CTBP2: variants seen among roughly 807,000 people sequenced by gnomAD.
CTBP2 encodes the protein C-terminal binding protein 2.
Under a neutral mutation model 80.3 loss-of-function variants are expected in CTBP2, and 30 were observed. The observed-to-expected ratio is 0.37, with a 90% confidence interval of 0.28 to 0.51. The LOEUF (loss-of-function observed/expected upper bound fraction) is 0.51, where lower values mean the gene tolerates loss of function less well. Ranked by LOEUF, CTBP2 falls within the 20% of genes least tolerant of loss-of-function variation. The probability of loss-of-function intolerance (pLI) is 0.93; values close to 1 mark genes in which losing one functional copy is unlikely to be tolerated. For synonymous variants in CTBP2, 594 were observed against 587.4 expected, an observed-to-expected ratio of 1.01 and a Z score of -0.16; for missense variants, 1,212 against 1,375.3, an observed-to-expected ratio of 0.88 and a Z score of 1.88.
At chr10:125,011,273 G>A (rs1342846393) in intron 1 of CTBP2, among the ~76,000 whole-genome samples, 1 of 152,204 alleles carries the variant, frequency 6.6e-6, no homozygotes, top group East Asian at 1.9e-4. Flanking sequence ...ATGGCCACAG[G>A]AACACCCTGA....
upstream of CTBP2, among the ~76,000 whole-genome samples, chr10:125,162,211 G>T (rs1861938577): frequency 6.6e-6 from 1 of 152,210 alleles, no homozygotes; most frequent in South Asian, 2.1e-4. Flanking sequence ...GGAGTGGGAG[G>T]GGTCTGAGGT....
intron 2 of CTBP2, among the ~76,000 whole-genome samples, chr10:125,105,028 G>T (rs1359940703): frequency 6.6e-6 from 1 of 152,182 alleles, no homozygotes; most frequent in Non-Finnish European, 1.5e-5. Context: ...TTGAGACAGG[G>T]TCTGCCTCTG....
At chr10:125,030,146 CCACACACACACACA>C, upstream of CTBP2, among the ~76,000 whole-genome samples, 1 of 150,070 alleles carries the variant, frequency 6.7e-6, no homozygotes, top group East Asian at 1.9e-4. Flanking sequence ...TACACAAACA[CCACACACACACACA>C]CACACACACC....
chr10:124,996,922 G>A (rs987868792), intron 4 of CTBP2: 1 of 152,240 alleles, frequency 6.6e-6, no homozygotes, highest in Non-Finnish European at 1.5e-5. Context: ...TCCAGGCGTC[G>A]GGCGAGGCCA....
intron 1 of CTBP2, among the ~76,000 whole-genome samples, chr10:125,141,791 C>A (rs540244803): frequency 6.6e-6 from 1 of 152,186 alleles, no homozygotes; most frequent in East Asian, 1.9e-4. Flanking sequence ...AAATACACAG[C>A]AAGCACACAG....
At chr10:125,062,243 G>A (rs1163780013) in intron 2 of CTBP2, among the ~76,000 whole-genome samples, 1 of 148,180 alleles carries the variant, frequency 6.7e-6, no homozygotes, top group African/African-American at 2.4e-5. Context: ...TGAATGGGGG[G>A]ACACAGGGGT....
chr10:125,011,095 C>T (rs1472155241), intron 1 of CTBP2, among the ~76,000 whole-genome samples: 1 of 152,206 alleles, frequency 6.6e-6, no homozygotes, highest in African/African-American at 2.4e-5. Flanking sequence ...GGAAATCTAG[C>T]TTCACCAAGG....
At chr10:125,077,400 T>C (rs775539628) in intron 2 of CTBP2, among the ~76,000 whole-genome samples, 2 of 152,144 alleles carry the variant, frequency 1.3e-5, no homozygotes, top group Non-Finnish European at 2.9e-5. Flanking sequence ...GCGGCACCTG[T>C]TGGGGATGGA....
chr10:124,984,868 C>G lies in CTBP2; in HGVS notation c.*4650G>C, dbSNP rs1393230531. ...GTTCTGGTTGCCATGCAGAAGAGTT[C>G]TCGGCGGCGAAATCACCCCCTGGTC... On this transcript the variant is annotated 3_prime_UTR_variant, in exon 9 of 9. Transcript: ENST00000309035. 2 of 1,613,914 alleles carry G rather than the reference C, an allele frequency of 1.2e-6. No homozygotes were observed. Among genetic ancestry groups the G allele is most frequent in the Non-Finnish European group, 1.7e-6 (2 of 1,180,000 alleles).
In CTBP2 at chr10:124,984,535, T is replaced by C. The variant is rs1951989346; in HGVS notation, c.*4983A>G. ...TTTTATTTTATCTAACAAATTACCC[T>C]CTAGTGTGCTCCTCTTTAGTTTTTT... On this transcript the variant is annotated 3_prime_UTR_variant, in exon 9 of 9. Transcript: ENST00000309035. 1 of 501,100 alleles carries C rather than the reference T, an allele frequency of 2.0e-6. No homozygotes were observed. Among genetic ancestry groups the C allele is most frequent in the African/African-American group, 1.9e-5 (1 of 51,806 alleles). 31.0% of individuals were successfully genotyped at this position (501,100 alleles called of 1,614,324 possible).
In CTBP2 at chr10:125,115,045, G is replaced by A. The variant is rs978170301; in HGVS notation, c.-205-3952C>T. On this transcript the variant is annotated intron_variant, in intron 1 of 10. Coordinates refer to the CTBP2 transcript ENST00000337195. ...AGGCTCCTCCTCCTACTACTGTCCCGCCGTGGATGGCGAAGGATTCATCAC... is the reference window on the plus strand; with the variant it reads ...AGGCTCCTCCTCCTACTACTGTCCCACCGTGGATGGCGAAGGATTCATCAC... Among the ~76,000 whole-genome samples, 4 of 152,190 alleles carry A rather than the reference G, an allele frequency of 2.6e-5. No individual in the cohort carries two copies. In the East Asian group the frequency reaches 5.8e-4, roughly 22 times the overall value.
chr10:125,126,115 G>A (rs1855200556), intron 1 of CTBP2, among the ~76,000 whole-genome samples: 1 of 152,212 alleles, frequency 6.6e-6, no homozygotes, highest in Non-Finnish European at 1.5e-5. Flanking sequence ...CAGTGCAGCG[G>A]TGGCCTGGGA....
chr10:125,069,438 T>C (rs1845129665), intron 2 of CTBP2, among the ~76,000 whole-genome samples: 1 of 152,100 alleles, frequency 6.6e-6, no homozygotes, highest in Non-Finnish European at 1.5e-5. Context: ...GCCAACATGG[T>C]GAAACCCCAT....
chr10:125,082,487 G>A (rs1847315587), intron 2 of CTBP2, among the ~76,000 whole-genome samples: 2 of 152,044 alleles, frequency 1.3e-5, no homozygotes, highest in Admixed American at 1.3e-4. Context: ...TCTTGCCTCA[G>A]GTATCATTTC....
Position 125,002,515 on chromosome 10 carries a change from C to T in CTBP2, c.1978+445G>A, listed in dbSNP as rs573265782. 2.1e-3 allele frequency among the ~76,000 whole-genome samples: 325 copies of T among 152,326 alleles called. 4 individuals carry two copies. The highest frequency in any genetic ancestry group is 4.1e-3 in the Admixed American group (63 of 15,304). On this transcript the variant is annotated intron_variant, in intron 3 of 8. Coordinates refer to ENST00000309035, the MANE Select transcript of CTBP2 (RefSeq NM_022802.3). ...TGCTGCTAAGGCTGCCCTCCCAGAA[C>T]GGGAGGCCCAGGTTCCCATGTGGAC...
intron 1 of CTBP2, among the ~76,000 whole-genome samples, chr10:125,018,997 G>A (rs749726872): frequency 2.2e-4 from 34 of 152,226 alleles, no homozygotes; most frequent in Admixed American, 7.2e-4. Context: ...CAGTGGGGAC[G>A]GGTGTTTCTA....
rs1327138563 is a variant in CTBP2, at chr10:124,984,387, G to GA, written c.*5130dup. 18 of 171,854 alleles carry GA rather than the reference G, an allele frequency of 1.0e-4. No individual in the cohort carries two copies. Among genetic ancestry groups the GA allele is most frequent in the Admixed American group, 2.4e-4 (4 of 16,474 alleles). 10.6% of individuals were successfully genotyped at this position (171,854 alleles called of 1,614,324 possible). A position where few individuals can be genotyped will look rare whatever the true frequency, so the allele number is the denominator to read the frequency against. On this transcript the variant is annotated 3_prime_UTR_variant, in exon 9 of 9. Transcript: ENST00000309035. The stretch of plus-strand genomic sequence containing the variant: ...AAAACGTTTATAATCACAACATGAA[G>GA]AAAAAAAGTTCATAGACCGTAACTT...
At chr10:125,152,556 AT>A (rs2133433437) in intron 1 of CTBP2, among the ~76,000 whole-genome samples, 2 of 152,340 alleles carry the variant, frequency 1.3e-5, no homozygotes, top group South Asian at 4.1e-4. Context: ...GAATTGCTCT[AT>A]TTACCCAGCC....
intron 1 of CTBP2, among the ~76,000 whole-genome samples, chr10:125,111,600 A>C (rs1373686999): frequency 1.3e-5 from 2 of 152,254 alleles, no homozygotes; most frequent in Non-Finnish European, 2.9e-5. Context: ...ATTTTAACTT[A>C]CTACTGAAAT....
Sources: allele counts gnomAD v4.1 joint callset (sites outside exome capture counted in the v4.1 genomes callset), GRCh38; gene constraint gnomAD v4.1.1; transcripts MANE v1.5; gene names NCBI Gene and HGNC (gene_info 2026-07-23, HGNC 2026-07-21).